Variants in NOLC1 observed in about 807,000 individuals in gnomAD.
The protein encoded by NOLC1 is 140 kDa nucleolar phosphoprotein.
A neutral mutation model predicts 73.4 loss-of-function variants in NOLC1; 37 were observed. That is an observed-to-expected ratio of 0.50 (90% CI 0.39 to 0.66). The LOEUF (loss-of-function observed/expected upper bound fraction) is 0.66. Ranked by LOEUF, NOLC1 falls within the 30% of genes least tolerant of loss-of-function variation. NOLC1 has a pLI of 0.00. For missense variants in NOLC1, 921 were observed against 838.9 expected, an observed-to-expected ratio of 1.10 and a Z score of -1.21; for synonymous variants, 327 against 302.6, an observed-to-expected ratio of 1.08 and a Z score of -0.84.
At chr10:102,154,677 C>T (rs994855736) in intron 1 of NOLC1, among the ~76,000 whole-genome samples, 1 of 151,882 alleles carries the variant, frequency 6.6e-6, no homozygotes, top group Non-Finnish European at 1.5e-5. Flanking sequence ...TACAGGCGCC[C>T]GCCTCCACGC....
At position 102,159,254 on chromosome 10, in the gene NOLC1, C is replaced by T. The variant is rs200561341; in HGVS notation, c.669C>T (p.Ser223=). ...KAASSSSSSS[S]SSSSDDSEEE... The stretch of plus-strand genomic sequence containing the variant: ...CCAGTAGCAGCAGTAGCAGCAGCAG[C>T]AGCAGTAGCAGTGATGACTCAGAGG... Residue 223 remains serine, a synonymous_variant, in exon 6 of 13, where the codon AGC becomes AGT. Coordinates refer to ENST00000605788, the MANE Select transcript of NOLC1 (RefSeq NM_004741.5). 11 of 1,614,006 alleles carry T rather than the reference C, an allele frequency of 6.8e-6. No individual in the cohort carries two copies. The East Asian group carries it at 2.5e-4, about 36-fold the overall frequency.
intron 4 of NOLC1, 48 bp from the exon 5 acceptor site, chr10:102,158,001 G>A: frequency 6.4e-7 from 1 of 1,567,752 alleles, no homozygotes; most frequent in Non-Finnish European, 8.7e-7. Context: ...TGCCCTTTGG[G>A]TACCCGGAAG....
chr10:102,158,669 G>A (rs934524234), intron 5 of NOLC1, among the ~76,000 whole-genome samples: 3 of 152,164 alleles, frequency 2.0e-5, no homozygotes, highest in African/African-American at 7.2e-5. Context: ...TTTAGAGGGC[G>A]TATTGAGATT....
At chr10:102,154,143 C>T (rs2069552229) in intron 1 of NOLC1, among the ~76,000 whole-genome samples, 1 of 149,476 alleles carries the variant, frequency 6.7e-6, no homozygotes, top group Non-Finnish European at 1.5e-5. Context: ...ACGATCTCAG[C>T]TCACTGCAAC....
At position 102,160,831 on chromosome 10, in the gene NOLC1, G is replaced by A; in HGVS notation, c.1479G>A (p.Lys493=). ...EKTSKSAVKK[K]PQKVAGGAAP... ...CATCTAAGTCTGCAGTTAAGAAGAAGCCACAGAAGGTAGCAGGAGGTGCAG... is the reference window on the plus strand; with the variant it reads ...CATCTAAGTCTGCAGTTAAGAAGAAACCACAGAAGGTAGCAGGAGGTGCAG... The change falls in exon 10 of 13, where the codon AAG becomes AAA. Residue 493 remains lysine, a synonymous_variant. Transcript: ENST00000605788. 6.2e-7 allele frequency: 1 copy of A among 1,614,182 alleles called. No individual in the cohort carries two copies. Among genetic ancestry groups the A allele is most frequent in the Non-Finnish European group, 8.5e-7 (1 of 1,180,044 alleles).
In NOLC1 at chr10:102,158,172, C is replaced by A. The variant is rs750590649; in HGVS notation, c.565C>A (p.Pro189Thr). Residue 189 changes from proline to threonine, a missense_variant, in exon 5 of 13, where the codon CCT becomes ACT. By Grantham distance (38) the Pro-to-Thr change is conservative. Coordinates refer to ENST00000605788, the MANE Select transcript of NOLC1 (RefSeq NM_004741.5). ...AAAGAACCAGAAGCCAAAGATAACA[C>A]CTGTGACAGTTAAAGCTCAGACTAA... ...PPKNQKPKIT[P>T]VTVKAQTKAP... is the part of the protein sequence containing the mutation. The A allele has an allele frequency of 8.7e-6, 14 of 1,614,122 alleles. No individual in the cohort carries two copies. The highest frequency in any genetic ancestry group is 1.2e-5 in the Non-Finnish European group (14 of 1,180,002).
At chr10:102,161,743 C>A in intron 11 of NOLC1, 81 bp downstream of exon 11, 2 of 1,523,668 alleles carry the variant, frequency 1.3e-6, no homozygotes, top group Non-Finnish European at 1.8e-6. Context: ...CTCTGCCTGG[C>A]GTGACCTGGT....
chr10:102,157,719 G>A (rs907416610), intron 4 of NOLC1, among the ~76,000 whole-genome samples, 164 bp downstream of exon 4: 2 of 152,180 alleles, frequency 1.3e-5, no homozygotes, highest in Admixed American at 6.5e-5. Flanking sequence ...TATGAGGTCT[G>A]GAAGGGATGT....
intron 7 of NOLC1, 118 bp downstream of exon 7, chr10:102,159,686 C>T (rs751521718): frequency 4.3e-6 from 5 of 1,173,814 alleles, no homozygotes; most frequent in Admixed American, 2.8e-5. Context: ...CTAGCTTCTC[C>T]GAGCACTAGT....
chr10:102,152,440 T>A lies in NOLC1; in HGVS notation c.30T>A (p.Val10=). The A allele has an allele frequency of 1.2e-6, 2 of 1,612,698 alleles. No individual in the cohort carries two copies. Among genetic ancestry groups the A allele is most frequent in the Non-Finnish European group, 1.7e-6 (2 of 1,180,022 alleles). MADAGIRRV[V]PSDLYPLVLG... ...CGGACGCCGGCATTCGCCGCGTGGT[T>A]CCCAGCGACCTGTATCCCCTCGTGC... The change falls in exon 1 of 13, where the codon GTT becomes GTA. Residue 10 remains valine, a synonymous_variant. Transcript: ENST00000605788.
At position 102,160,777 on chromosome 10, in the gene NOLC1, C is replaced by T. The variant is rs1378673968; in HGVS notation, c.1425C>T (p.Ser475=). 3 of 1,614,104 alleles carry T rather than the reference C, an allele frequency of 1.9e-6. No homozygotes were observed. Among genetic ancestry groups the T allele is most frequent in the African/African-American group, 2.7e-5 (2 of 74,934 alleles). The change falls in exon 10 of 13, where the codon AGC becomes AGT. Residue 475 remains serine, a synonymous_variant. Coordinates refer to ENST00000605788, the MANE Select transcript of NOLC1 (RefSeq NM_004741.5). ...GSRDSSSDSD[S]SSSEEEEEKT... ...GGGACAGCAGCTCTGATTCAGACAG[C>T]TCCAGCAGTGAGGAGGAGGAAGAGA...
rs776524127 is a variant in NOLC1 at position 102,160,570 on chromosome 10, CAAGCAACCT to C, written c.1219_1227del (p.Lys407_Pro409del). Reference sequence around the variant, plus strand: ...CTGCAGTGAAGCCAGCTGCAGCCCCCAAGCAACCTGTGGGCGGTGGCCAGAAGCTTCTGA... The same window carrying C: ...CTGCAGTGAAGCCAGCTGCAGCCCCCGTGGGCGGTGGCCAGAAGCTTCTGA... On this transcript the variant is annotated inframe_deletion, in exon 10 of 13. Transcript: ENST00000605788. The C allele has an allele frequency of 1.9e-6, 3 of 1,614,194 alleles. No individual in the cohort carries two copies. Among genetic ancestry groups the C allele is most frequent in the Non-Finnish European group, 2.5e-6 (3 of 1,180,042 alleles).
rs985273429 is a variant in NOLC1, at chr10:102,162,157, A to C, written c.1988A>C (p.Lys663Thr). Residue 663 changes from lysine to threonine, a missense_variant, in exon 13 of 13, where the codon AAG becomes ACG. Coordinates refer to ENST00000605788, the MANE Select transcript of NOLC1 (RefSeq NM_004741.5). Reference protein sequence around the residue: ...DWGERANQVLKFTKGKSFRHE... With the variant: ...DWGERANQVLTFTKGKSFRHE... ...GGAGAGCGAGCCAATCAGGTTTTGA[A>C]GTTCACCAAAGGCAAGTCCTTTCGG... 6.2e-7 allele frequency: 1 copy of C among 1,614,094 alleles called. No homozygotes were observed. The highest frequency in any genetic ancestry group is 8.5e-7 in the Non-Finnish European group (1 of 1,180,034).
chr10:102,161,238 C>CT (rs11392804), intron 10 of NOLC1, 145 bp downstream of exon 10: 166,354 of 649,920 alleles, frequency 0.26, 5,001 homozygotes, highest in Non-Finnish European at 0.29. Flanking sequence ...AACTGGTTAC[C>CT]TTTTTTTTTT....
chr10:102,152,399 A>T lies in NOLC1; in HGVS notation c.-12A>T. On this transcript the variant is annotated 5_prime_UTR_variant, in exon 1 of 13. Coordinates refer to ENST00000605788, the MANE Select transcript of NOLC1 (RefSeq NM_004741.5). ...TGCGTCGACAACGGTAGTGACGCGT[A>T]TTGCCTGGAGGATGGCGGACGCCGG... The T allele has an allele frequency of 6.2e-7, 1 of 1,608,198 alleles. No homozygotes were observed. Among genetic ancestry groups the T allele is most frequent in the Non-Finnish European group, 8.5e-7 (1 of 1,179,988 alleles).
chr10:102,159,065 C>CA (rs35183508), intron 5 of NOLC1, 128 bp from the exon 6 acceptor site: 9,672 of 355,624 alleles, frequency 0.027, 150 homozygotes, highest in East Asian at 0.038. Context: ...ACTCCGTCTC[C>CA]AAAAAAAAAA....
intron 7 of NOLC1, 74 bp downstream of exon 7, chr10:102,159,642 A>T: frequency 7.0e-7 from 1 of 1,420,704 alleles, no homozygotes; most frequent in Non-Finnish European, 9.6e-7. Context: ...GGACCTCTCC[A>T]TAGAGGTGCA....
In NOLC1 at chr10:102,159,486, C is replaced by T. The variant is rs774958755; in HGVS notation, c.777C>T (p.Thr259=). 13 of 1,614,030 alleles carry T rather than the reference C, an allele frequency of 8.1e-6. No homozygotes were observed. The highest frequency in any genetic ancestry group is 1.1e-5 in the Non-Finnish European group (13 of 1,180,038). ...AGGCCCCAGTGAAAGCAGCTACCAC[C>T]CCTACCCGGAAGAGTTCTAGCAGTG... The part of the protein sequence containing the change: ...VAKAPVKAAT[T]PTRKSSSSED... The change falls in exon 7 of 13, where the codon ACC becomes ACT. Residue 259 remains threonine, a synonymous_variant. Transcript: ENST00000605788.
chr10:102,156,460 T>C (rs998139643), intron 1 of NOLC1, among the ~76,000 whole-genome samples: 21 of 149,746 alleles, frequency 1.4e-4, no homozygotes, highest in Non-Finnish European at 7.4e-5. Context: ...GGAGTCTTGC[T>C]CTTGTTGCTC....
Sources: allele counts gnomAD v4.1 joint callset (sites outside exome capture counted in the v4.1 genomes callset), GRCh38; gene constraint gnomAD v4.1.1; transcripts MANE v1.5; gene names NCBI Gene and HGNC (gene_info 2026-07-23, HGNC 2026-07-21).